The following HS3ST4 variants were observed in gnomAD, a reference collection of about 807,000 sequenced individuals.
HS3ST4 encodes the protein heparan sulfate glucosamine 3-O-sulfotransferase 4.
A neutral mutation model predicts 29.2 loss-of-function variants in HS3ST4; 17 were observed. The ratio of observed to expected loss-of-function variants is 0.58; its 90% CI spans 0.40 to 0.87. HS3ST4 has a LOEUF of 0.87. Among genes scored for constraint, HS3ST4 ranks in the 40% least tolerant of loss-of-function variants. The pLI is 0.00. For missense variants in HS3ST4, 627 were observed against 634.5 expected (o/e 0.99, Z 0.13); for synonymous variants, 314 against 285.7 (o/e 1.10, Z -1.00).
At chr16:26,063,414 T>C (rs1434020524) in intron 1 of HS3ST4, among the ~76,000 whole-genome samples, 1 of 151,712 alleles carries the variant, frequency 6.6e-6, no homozygotes, top group African/African-American at 2.4e-5. Flanking sequence ...AGTCTGGGCA[T>C]GGTAGTTTAC....
chr16:25,899,163 G>A (rs983164296), intron 1 of HS3ST4, among the ~76,000 whole-genome samples: 9 of 152,146 alleles, frequency 5.9e-5, no homozygotes, highest in African/African-American at 1.9e-4. Context: ...AATGGCACAC[G>A]TCCATGCATT....
intron 1 of HS3ST4, among the ~76,000 whole-genome samples, chr16:26,117,184 G>T (rs942561350): frequency 2.0e-5 from 3 of 152,206 alleles, no homozygotes; most frequent in African/African-American, 7.2e-5. Flanking sequence ...TGCCTACAGA[G>T]TTGTGGTGAC....
At chr16:26,084,680 C>T (rs949796266) in intron 1 of HS3ST4, among the ~76,000 whole-genome samples, 7 of 152,124 alleles carry the variant, frequency 4.6e-5, no homozygotes, top group African/African-American at 1.2e-4. Flanking sequence ...ATGATCATAG[C>T]TCACTGCAGC....
At chr16:25,968,687 G>A (rs73521524) in intron 1 of HS3ST4, among the ~76,000 whole-genome samples, 3,221 of 152,186 alleles carry the variant, frequency 0.021, 123 homozygotes, top group African/African-American at 0.074. Flanking sequence ...TTAATCTCTC[G>A]CACATTGTAT....
chr16:26,070,993 C>T (rs1898596967), intron 1 of HS3ST4, among the ~76,000 whole-genome samples: 1 of 152,228 alleles, frequency 6.6e-6, no homozygotes, highest in African/African-American at 2.4e-5. Flanking sequence ...CCAGAAACCT[C>T]AGACATTCTG....
At chr16:26,131,584 G>T (rs1899420062) in intron 1 of HS3ST4, among the ~76,000 whole-genome samples, 1 of 152,188 alleles carries the variant, frequency 6.6e-6, no homozygotes, top group Non-Finnish European at 1.5e-5. Flanking sequence ...GAGAAATTGA[G>T]AGAAAAAGTG....
At chr16:25,887,039 TG>T (rs1967960981) in intron 1 of HS3ST4, 1 of 152,214 alleles carries the variant, frequency 6.6e-6, no homozygotes, top group African/African-American at 2.4e-5. Flanking sequence ...TCTAGGATTT[TG>T]TTTTGCTTCG....
chr16:25,935,890 A>G (rs1968512506), intron 1 of HS3ST4, among the ~76,000 whole-genome samples: 1 of 151,636 alleles, frequency 6.6e-6, no homozygotes, highest in Admixed American at 6.6e-5. Flanking sequence ...CTGGGACTCA[A>G]AAAAGTATAC....
intron 1 of HS3ST4, among the ~76,000 whole-genome samples, chr16:25,930,493 T>G (rs1223959237): frequency 6.6e-6 from 1 of 152,358 alleles, no homozygotes; most frequent in Admixed American, 6.5e-5. Flanking sequence ...CTTTAGAATT[T>G]TTTTATTTGC....
chr16:26,116,956 C>A (rs1899209645), intron 1 of HS3ST4, among the ~76,000 whole-genome samples: 1 of 152,202 alleles, frequency 6.6e-6, no homozygotes, highest in African/African-American at 2.4e-5. Context: ...AATCCCAAAT[C>A]TGAAACACTT....
chr16:25,928,226 A>C (rs1217675824), intron 1 of HS3ST4, among the ~76,000 whole-genome samples: 2 of 151,404 alleles, frequency 1.3e-5, no homozygotes, highest in African/African-American at 4.9e-5. Context: ...TTAGCCAGGC[A>C]TTGTGGCCTG....
intron 1 of HS3ST4, among the ~76,000 whole-genome samples, chr16:25,966,035 G>T (rs1968838844): frequency 6.6e-6 from 1 of 152,156 alleles, no homozygotes; most frequent in South Asian, 2.1e-4. Context: ...ACTAACATTT[G>T]TTGAGAGCCT....
intron 1 of HS3ST4, among the ~76,000 whole-genome samples, chr16:25,979,159 G>A (rs1244238495): frequency 2.6e-5 from 4 of 152,086 alleles, no homozygotes; most frequent in Non-Finnish European, 5.9e-5. Context: ...GGCCTCCCAA[G>A]TGCTGTGATT....
chr16:25,897,158 G>GA (rs922572836), intron 1 of HS3ST4, among the ~76,000 whole-genome samples: 1 of 152,016 alleles, frequency 6.6e-6, no homozygotes, highest in Non-Finnish European at 1.5e-5. Context: ...AATAAAAGTT[G>GA]AAAAAAATAC....
chr16:25,804,063 G>A (rs1312237853), intron 1 of HS3ST4, among the ~76,000 whole-genome samples: 1 of 151,902 alleles, frequency 6.6e-6, no homozygotes, highest in Non-Finnish European at 1.5e-5. Context: ...CTCTGAGTAG[G>A]TTACTACCTT....
At chr16:25,706,327 G>A (rs1966375695) in intron 1 of HS3ST4, among the ~76,000 whole-genome samples, 2 of 152,084 alleles carry the variant, frequency 1.3e-5, no homozygotes, top group Admixed American at 6.5e-5. Context: ...CCAGGTTGGT[G>A]TATTAACTTT....
chr16:26,013,514 T>A (rs552245019), intron 1 of HS3ST4, among the ~76,000 whole-genome samples: 7 of 152,306 alleles, frequency 4.6e-5, no homozygotes, highest in Non-Finnish European at 8.8e-5. Context: ...TCAGCATGCA[T>A]TTATACAGAT....
rs1200926803 is a variant in HS3ST4 at position 25,692,580 on chromosome 16, G to A, written c.163G>A (p.Gly55Ser). ...VTYLCYSLLG[G>S]SGSLQFPLAL... ...CTACCTGTGCTACAGCCTCCTGGGC[G>A]GCTCGGGCTCCCTGCAATTCCCTCT... Residue 55 changes from glycine to serine, a missense_variant, in exon 1 of 2, where the codon GGC becomes AGC. By Grantham distance (56) the Gly-to-Ser change is moderately conservative. This residue lies in a region of HS3ST4 where 402 missense variants were observed against 340.8 expected (regional missense o/e 1.18). Coordinates refer to ENST00000331351, the MANE Select transcript of HS3ST4 (RefSeq NM_006040.3). 4 of 1,425,218 alleles carry A rather than the reference G, an allele frequency of 2.8e-6. No homozygotes were observed. Among genetic ancestry groups the A allele is most frequent in the Admixed American group, 2.4e-5 (1 of 42,134 alleles). The allele number at this position is 1,425,218 out of a possible 1,614,324, so 88.3% of individuals were successfully genotyped here.
chr16:25,796,027 G>C (rs988146710), intron 1 of HS3ST4, among the ~76,000 whole-genome samples: 10 of 151,906 alleles, frequency 6.6e-5, no homozygotes, highest in Admixed American at 3.3e-4. Flanking sequence ...AGGAAAATTG[G>C]TGCTGTTGAA....
Sources: gnomAD v4.1 joint callset for allele counts (sites outside exome capture counted in the v4.1 genomes callset) on GRCh38, gnomAD v4.1.1 for gene constraint, gnomAD v4.1.1 regional missense constraint, MANE v1.5 for transcripts, NCBI Gene and HGNC (gene_info 2026-07-23, HGNC 2026-07-21) for gene names.